SPECC1: variants seen among roughly 807,000 people sequenced by gnomAD.
SPECC1 encodes the protein cytospin-B.
A neutral mutation model predicts 104.1 loss-of-function variants in SPECC1; 62 were observed. The ratio of observed to expected loss-of-function variants is 0.60; its 90% CI spans 0.49 to 0.74. The LOEUF (loss-of-function observed/expected upper bound fraction) is 0.74. Ranked by LOEUF, SPECC1 falls within the 30% of genes least tolerant of loss-of-function variation. SPECC1 has a pLI of 0.00. For missense variants in SPECC1, 1,306 were observed against 1,310.5 expected, an observed-to-expected ratio of 1.00 and a Z score of 0.05; for synonymous variants, 513 against 501.6, an observed-to-expected ratio of 1.02 and a Z score of -0.30.
chr17:20,196,397 TA>T (rs1298396359), intron 3 of SPECC1, among the ~76,000 whole-genome samples: 1 of 152,230 alleles, frequency 6.6e-6, no homozygotes, highest in East Asian at 1.9e-4. Flanking sequence ...CCAGCATAGC[TA>T]GGGGGCATGG....
chr17:20,025,649 A>G (rs2044570553), intron 1 of SPECC1, among the ~76,000 whole-genome samples: 2 of 152,164 alleles, frequency 1.3e-5, no homozygotes, highest in Admixed American at 1.3e-4. Flanking sequence ...CTTTGCTGTT[A>G]TGAATAATGT....
chr17:20,290,070 C>T (rs886343497), intron 12 of SPECC1, among the ~76,000 whole-genome samples: 15 of 151,874 alleles, frequency 9.9e-5, no homozygotes, highest in African/African-American at 3.6e-4. Flanking sequence ...TGCTGCAGTG[C>T]CAGGATCTGC....
chr17:20,225,718 C>G (rs1199221053), intron 4 of SPECC1, among the ~76,000 whole-genome samples: 1 of 152,162 alleles, frequency 6.6e-6, no homozygotes, highest in Non-Finnish European at 1.5e-5. Flanking sequence ...GTGTTAAAAC[C>G]AGGCACTGTG....
intron 3 of SPECC1, among the ~76,000 whole-genome samples, chr17:20,153,211 G>A (rs1158046098): frequency 1.3e-5 from 2 of 152,184 alleles, no homozygotes; most frequent in Non-Finnish European, 2.9e-5. Context: ...AAAGCATAGA[G>A]GCCTGAAACA....
At chr17:20,071,314 C>T (rs2046543035) in intron 1 of SPECC1, among the ~76,000 whole-genome samples, 1 of 152,006 alleles carries the variant, frequency 6.6e-6, no homozygotes, top group African/African-American at 2.4e-5. Flanking sequence ...TGAACCATGC[C>T]ATTGTAATTT....
intron 3 of SPECC1, among the ~76,000 whole-genome samples, chr17:20,183,988 C>T (rs1033079093): frequency 1.7e-4 from 26 of 150,436 alleles, no homozygotes; most frequent in African/African-American, 5.1e-4. Context: ...CTGGGCAACA[C>T]GGCAAAACCC....
chr17:20,117,758 G>A (rs776866133), intron 3 of SPECC1, among the ~76,000 whole-genome samples: 5 of 150,056 alleles, frequency 3.3e-5, no homozygotes, highest in South Asian at 4.2e-4. Context: ...TATATATAGC[G>A]CCCATGAAAA....
At chr17:20,018,838 A>G (rs2044254643) in intron 1 of SPECC1, among the ~76,000 whole-genome samples, 1 of 152,228 alleles carries the variant, frequency 6.6e-6, no homozygotes, top group Non-Finnish European at 1.5e-5. Flanking sequence ...GCTGTCTACC[A>G]GGGAAACTCA....
At chr17:20,305,805 C>A in intron 13 of SPECC1, 1 of 432,748 alleles carries the variant, frequency 2.3e-6, no homozygotes, top group Non-Finnish European at 4.1e-6. Flanking sequence ...AAAAATTTAT[C>A]TTTGATAGGT....
chr17:20,296,266 A>G lies in SPECC1; in HGVS notation c.2941-695A>G, dbSNP rs186478498. On this transcript the variant is annotated intron_variant, in intron 12 of 14. Coordinates refer to ENST00000395527, the MANE Select transcript of SPECC1 (RefSeq NM_001243439.2). The stretch of plus-strand genomic sequence containing the variant: ...CTAGCCAGTTTTCCCAGCACCATTT[A>G]TTAAATAGGGAATCCTTTCCCCGTT... Among the ~76,000 whole-genome samples the G allele has an allele frequency of 6.9e-3, 1,050 of 152,316 alleles. 52 individuals are homozygous for G. The highest frequency in any genetic ancestry group is 0.06 in the Admixed American group (920 of 15,302).
At chr17:20,091,081 T>C (rs895543025) in intron 1 of SPECC1, among the ~76,000 whole-genome samples, 2 of 152,236 alleles carry the variant, frequency 1.3e-5, no homozygotes, top group African/African-American at 2.4e-5. Flanking sequence ...GTTTTTGTTT[T>C]TATCACTTCT....
intron 12 of SPECC1, among the ~76,000 whole-genome samples, chr17:20,278,482 G>C (rs1418697362): frequency 2.0e-5 from 3 of 152,154 alleles, no homozygotes; most frequent in African/African-American, 7.2e-5. Flanking sequence ...CTTCTGACCT[G>C]CCAAATTCCT....
intron 7 of SPECC1, chr17:20,238,367 A>G: frequency 9.6e-7 from 1 of 1,041,066 alleles, no homozygotes; most frequent in Non-Finnish European, 1.2e-6. Context: ...GTTTGTGAAG[A>G]TCCAAATCCA....
At chr17:20,189,821 A>G (rs2035538989) in intron 3 of SPECC1, among the ~76,000 whole-genome samples, 1 of 152,184 alleles carries the variant, frequency 6.6e-6, no homozygotes, top group African/African-American at 2.4e-5. Context: ...AGGAAAATTA[A>G]TTTTGCATTC....
rs531893271 is a variant in SPECC1 at position 20,238,946 on chromosome 17, G to T, written c.2351+6541G>T. 4 of 1,039,428 alleles carry T rather than the reference G, an allele frequency of 3.8e-6. No individual in the cohort carries two copies. The East Asian group carries it at 2.3e-4, about 61-fold the overall frequency. 64.4% of individuals were successfully genotyped at this position (1,039,428 alleles called of 1,614,324 possible). On this transcript the variant is annotated intron_variant, in intron 7 of 14. Transcript: ENST00000395527. ...TACGTTTCTGCAGGGCCTTTATGTCGTTTTGTTCTACATTTTTTTCTGAAT... is the reference window on the plus strand; with the variant it reads ...TACGTTTCTGCAGGGCCTTTATGTCTTTTTGTTCTACATTTTTTTCTGAAT...
intron 3 of SPECC1, among the ~76,000 whole-genome samples, chr17:20,180,194 A>G (rs2034774620): frequency 6.6e-6 from 1 of 152,226 alleles, no homozygotes; most frequent in Non-Finnish European, 1.5e-5. Flanking sequence ...GAGAAGTAAT[A>G]TCAAATTAGC....
chr17:20,104,200 C>T (rs904337108), intron 2 of SPECC1, among the ~76,000 whole-genome samples: 1 of 152,148 alleles, frequency 6.6e-6, no homozygotes, highest in Non-Finnish European at 1.5e-5. Flanking sequence ...AAAGCAGCCA[C>T]TATGTGTACT....
chr17:20,199,383 GTT>G (rs3077216), intron 3 of SPECC1, among the ~76,000 whole-genome samples: 5,912 of 62,424 alleles, frequency 0.095, 322 homozygotes, highest in African/African-American at 0.16. Flanking sequence ...CACCGTGCTG[GTT>G]TTTTTTTTTT....
rs562975649 is a variant in SPECC1, at chr17:20,199,080, CTTTTTTTTTTTTTT to C, written c.284-5242_284-5229del. ...ATGGAATTGCAGGATCTTATGGTAG[CTTTTTTTTTTTTTT>C]TTTTTTTTTTGAAACAGAGTCTTAC... On this transcript the variant is annotated intron_variant, in intron 3 of 14. Coordinates refer to ENST00000395527, the MANE Select transcript of SPECC1 (RefSeq NM_001243439.2). 9.1e-3 allele frequency among the ~76,000 whole-genome samples: 696 copies of C among 76,656 alleles called. 7 individuals are homozygous for C. Among genetic ancestry groups the C allele is most frequent in the Middle Eastern group, 0.058 (7 of 120 alleles). 50.3% of individuals were successfully genotyped at this position (76,656 alleles called of 152,430 possible). A position where few individuals can be genotyped will look rare whatever the true frequency, so the allele number is the denominator to read the frequency against.
Sources: allele counts gnomAD v4.1 joint callset (sites outside exome capture counted in the v4.1 genomes callset), GRCh38; gene constraint gnomAD v4.1.1; transcripts MANE v1.5; gene names NCBI Gene and HGNC (gene_info 2026-07-23, HGNC 2026-07-21).